The following TAS1R1 variants were observed in gnomAD, a reference collection of about 807,000 sequenced individuals.
The protein encoded by TAS1R1 is taste receptor type 1 member 1.
A neutral mutation model predicts 45.8 loss-of-function variants in TAS1R1; 31 were observed. The ratio of observed to expected loss-of-function variants is 0.68; its 90% CI spans 0.51 to 0.91. The LOEUF is 0.91. Among genes scored for constraint, TAS1R1 ranks in the 40% least tolerant of loss-of-function variants. The pLI is 0.00. For missense variants in TAS1R1, 1,051 were observed against 1,063.9 expected, an observed-to-expected ratio of 0.99 and a Z score of 0.17; for synonymous variants, 437 against 448.4, an observed-to-expected ratio of 0.97 and a Z score of 0.32.
intron 5 of TAS1R1, 130 bp from the exon 6 acceptor site, chr1:6,578,522 AC>A (rs1640251152): frequency 6.9e-7 from 1 of 1,452,134 alleles, no homozygotes; most frequent in Non-Finnish European, 9.1e-7. Context: ...ACTCCCGGCT[AC>A]CCCCATCCCA....
Position 6,576,439 on chromosome 1 carries a change from C to T in TAS1R1, c.1285C>T (p.His429Tyr). 1.2e-6 allele frequency: 2 copies of T among 1,614,236 alleles called. No homozygotes were observed. Among genetic ancestry groups the T allele is most frequent in the South Asian group, 2.2e-5 (2 of 91,088 alleles). ...GCTTTTGGAGCAGATCCACAAGGTG[C>T]ATTTCCTTCTACACAAGGACACTGT... Reference protein sequence around the residue: ...WQLLEQIHKVHFLLHKDTVAF... With the variant: ...WQLLEQIHKVYFLLHKDTVAF... Residue 429 changes from histidine to tyrosine, a missense_variant, in exon 4 of 6, where the codon CAT (histidine) becomes TAT (tyrosine). By Grantham distance (83) the His-to-Tyr change is moderately conservative (BLOSUM62 2). Transcript: ENST00000333172.
intron 5 of TAS1R1, 144 bp from the exon 6 acceptor site, chr1:6,578,509 C>T: frequency 7.1e-7 from 1 of 1,415,342 alleles, no homozygotes; most frequent in Non-Finnish European, 9.3e-7. Context: ...GGCCTCAGGC[C>T]CCACTCCCGG....
At chr1:6,566,973 G>A (rs1349788199) in intron 1 of TAS1R1, among the ~76,000 whole-genome samples, 3 of 152,148 alleles carry the variant, frequency 2.0e-5, no homozygotes, top group Non-Finnish European at 2.9e-5. Context: ...GTTAACAAGA[G>A]AGGTGGGAAG....
intron 2 of TAS1R1, among the ~76,000 whole-genome samples, chr1:6,573,115 T>C (rs1640062242): frequency 6.6e-6 from 1 of 152,200 alleles, no homozygotes; most frequent in Admixed American, 6.5e-5. Flanking sequence ...GTCTTAAATT[T>C]CTTCTAACTC....
chr1:6,571,259 G>A (rs11122096), intron 2 of TAS1R1, 44 bp downstream of exon 2: 1,478,164 of 1,521,052 alleles, frequency 0.97, 720,838 homozygotes, highest in Non-Finnish European at 0.99. Context: ...CTTCAGGCAA[G>A]TCTGGGCTGG....
At chr1:6,575,654 G>T (rs1640149564) in intron 3 of TAS1R1, among the ~76,000 whole-genome samples, 1 of 151,504 alleles carries the variant, frequency 6.6e-6, no homozygotes, top group South Asian at 2.1e-4. Context: ...GAGTAGCTGG[G>T]ATTACAGGCA....
In TAS1R1 at chr1:6,579,060, ACATT is replaced by A; in HGVS notation, c.2004_2007del (p.Phe669ThrfsTer14). The A allele has an allele frequency of 6.2e-7, 1 of 1,613,274 alleles. No individual in the cohort carries two copies. The highest frequency in any genetic ancestry group is 8.5e-7 in the Non-Finnish European group (1 of 1,179,316). The stretch of plus-strand genomic sequence containing the variant: ...CTTCAAGTTTTCCACCAAGGTACCT[ACATT>A]CTACCACGCCTGGGTCCAAAACCAC... On this transcript the variant is annotated frameshift_variant, in exon 6 of 6. Coordinates refer to ENST00000333172, the MANE Select transcript of TAS1R1 (RefSeq NM_138697.4). LOFTEE classifies it low-confidence loss of function (END_TRUNC).
chr1:6,576,659 T>G, intron 4 of TAS1R1, 32 bp downstream of exon 4: 1 of 1,607,188 alleles, frequency 6.2e-7, no homozygotes, highest in Non-Finnish European at 8.5e-7. Context: ...ACCATGTAAC[T>G]GGCTTATGGG....
At chr1:6,567,563 G>GAA (rs34650839) in intron 1 of TAS1R1, among the ~76,000 whole-genome samples, 16,362 of 140,314 alleles carry the variant, frequency 0.12, 1,022 homozygotes, top group East Asian at 0.16. Context: ...CCGTCTCAAA[G>GAA]AAAAAAAAAA....
intron 5 of TAS1R1, among the ~76,000 whole-genome samples, chr1:6,578,065 A>G (rs766623972): frequency 5.3e-5 from 8 of 152,222 alleles, no homozygotes; most frequent in Non-Finnish European, 8.8e-5. Flanking sequence ...TACAGATACT[A>G]GCGTGTCTGC....
Position 6,577,053 on chromosome 1 carries a change from C to T in TAS1R1, c.1577C>T (p.Thr526Ile), listed in dbSNP as rs755729630. Reference sequence around the variant, plus strand: ...GAGTGTGTGCCCTGTGGGGCTGGGACCTTCCTCAACAAGAGTGGTGAGTGG... The same window carrying T: ...GAGTGTGTGCCCTGTGGGGCTGGGATCTTCCTCAACAAGAGTGGTGAGTGG... ...CFECVPCGAG[T>I]FLNKSDLYRC... The change falls in exon 5 of 6, where the codon ACC becomes ATC. Residue 526 changes from threonine to isoleucine, a missense_variant. Coordinates refer to ENST00000333172, the MANE Select transcript of TAS1R1 (RefSeq NM_138697.4). 5 of 1,614,204 alleles carry T rather than the reference C, an allele frequency of 3.1e-6. No homozygotes were observed. In the South Asian group the frequency reaches 5.5e-5, roughly 18 times the overall value.
rs1405301895 is a variant in TAS1R1 at position 6,564,431 on chromosome 1, TC to T, written c.192-6476del. Among the ~76,000 whole-genome samples, 11 of 152,128 alleles carry T rather than the reference TC, an allele frequency of 7.2e-5. No individual in the cohort carries two copies. In the East Asian group the frequency reaches 1.2e-3, roughly 16 times the overall value. ...GCCTGTTTTGTAAGAGGAAAGGGCG[TC>T]CATACGTTAACTCAAATGGACTGAG... On this transcript the variant is annotated intron_variant, in intron 1 of 5. Transcript: ENST00000333172.
In TAS1R1 at chr1:6,574,556, C is replaced by T; in HGVS notation, c.499-75C>T. On this transcript the variant is annotated intron_variant, in intron 2 of 5. Coordinates refer to ENST00000333172, the MANE Select transcript of TAS1R1 (RefSeq NM_138697.4). The surrounding 1 kb of genome is among the most constrained non-coding windows in gnomAD (Gnocchi z 4.3). ...CTGGTCTCCCCGGCTCCCTGTATCC[C>T]CACACCCAGCACAGGGCCAGGCACT... The T allele has an allele frequency of 1.3e-6, 2 of 1,518,576 alleles. No homozygotes were observed. The highest frequency in any genetic ancestry group is 1.8e-6 in the Non-Finnish European group (2 of 1,132,186). 94.1% of individuals were successfully genotyped at this position (1,518,576 alleles called of 1,614,324 possible). A position where few individuals can be genotyped will look rare whatever the true frequency, so the allele number is the denominator to read the frequency against.
intron 1 of TAS1R1, among the ~76,000 whole-genome samples, chr1:6,561,927 G>A (rs1021558484): frequency 6.6e-6 from 1 of 152,096 alleles, no homozygotes; most frequent in Non-Finnish European, 1.5e-5. Flanking sequence ...TGGGACCAGG[G>A]GGCCAACTGT....
chr1:6,564,899 G>A (rs954392964), intron 1 of TAS1R1, among the ~76,000 whole-genome samples: 7 of 152,192 alleles, frequency 4.6e-5, no homozygotes, highest in African/African-American at 1.7e-4. Flanking sequence ...GTGTTCCTCT[G>A]AGCTGATGTG....
Position 6,579,152 on chromosome 1 carries a change from G to A in TAS1R1, c.2094G>A (p.Leu698=), listed in dbSNP as rs1255737844. 2.5e-5 allele frequency: 40 copies of A among 1,614,076 alleles called. 1 individual carries two copies. The Admixed American group carries it at 6.3e-4, about 26-fold the overall frequency. ...AAQLLICLTW[L]VVWTPLPARE... ...AGCTGCTTATCTGTCTAACTTGGCT[G>A]GTGGTGTGGACCCCACTGCCTGCTA... The change falls in exon 6 of 6, where the codon CTG becomes CTA. Residue 698 remains leucine, a synonymous_variant. Coordinates refer to ENST00000333172, the MANE Select transcript of TAS1R1 (RefSeq NM_138697.4).
chr1:6,571,954 T>C (rs1245906485), intron 2 of TAS1R1, among the ~76,000 whole-genome samples: 1 of 152,188 alleles, frequency 6.6e-6, no homozygotes, highest in Non-Finnish European at 1.5e-5. Context: ...ACCTTGCTGA[T>C]GTCAGTCCTG....
At position 6,576,634 on chromosome 1, in the gene TAS1R1, G is replaced by A. The variant is rs773434921; in HGVS notation, c.1473+7G>A. On this transcript the variant is annotated splice_region_variant and intron_variant, in intron 4 of 5. Transcript: ENST00000333172. ...GCACGGAAAGGACAACCAGGTAATGGGGATGTGGCTACTCACCATGTAACT... is the reference window on the plus strand; with the variant it reads ...GCACGGAAAGGACAACCAGGTAATGAGGATGTGGCTACTCACCATGTAACT... 1 of 1,611,638 alleles carries A rather than the reference G, an allele frequency of 6.2e-7. No individual in the cohort carries two copies. Among genetic ancestry groups the A allele is most frequent in the East Asian group, 2.2e-5 (1 of 44,832 alleles).
In TAS1R1 at chr1:6,555,389, G is replaced by C. The variant is rs1639654836; in HGVS notation, c.16G>C (p.Ala6Pro). The C allele has an allele frequency of 1.9e-6, 3 of 1,600,614 alleles. No homozygotes were observed. Among genetic ancestry groups the C allele is most frequent in the Non-Finnish European group, 2.6e-6 (3 of 1,175,316 alleles). Residue 6 changes from alanine (A) to proline (P), a missense_variant, in exon 1 of 6, where the codon GCT (alanine) becomes CCT (proline). Physicochemically the swap from Ala to Pro is conservative, Grantham distance 27. Transcript: ENST00000333172. Reference sequence around the variant, plus strand: ...TCTGGCCAGCATGCTGCTCTGCACGGCTCGCCTGGTCGGCCTGCAGCTTCT... The same window carrying C: ...TCTGGCCAGCATGCTGCTCTGCACGCCTCGCCTGGTCGGCCTGCAGCTTCT... MLLCT[A>P]RLVGLQLLIS...
Sources: allele counts gnomAD v4.1 joint callset (sites outside exome capture counted in the v4.1 genomes callset), GRCh38; gene constraint gnomAD v4.1.1; non-coding constraint Gnocchi (gnomAD v3.1); transcripts MANE v1.5; gene names NCBI Gene and HGNC (gene_info 2026-07-23, HGNC 2026-07-21).